CDHR2: variants seen among roughly 807,000 people sequenced by gnomAD.
CDHR2 encodes cadherin related family member 2.
CDHR2 carries 104 observed loss-of-function variants against 138.6 expected under a neutral mutation model. The observed-to-expected ratio is 0.75, with a 90% CI of 0.64 to 0.88. CDHR2 has a LOEUF of 0.88. Ranked by LOEUF, CDHR2 falls within the 40% of genes least tolerant of loss-of-function variation. CDHR2 has a pLI of 0.00. For synonymous variants in CDHR2, 755 were observed against 742.8 expected, an observed-to-expected ratio of 1.02 and a Z score of -0.27; for missense variants, 1,624 against 1,727.6, an observed-to-expected ratio of 0.94 and a Z score of 1.06.
chr5:176,576,116 C>A lies in CDHR2; in HGVS notation c.1125C>A (p.Tyr375Ter). The A allele has an allele frequency of 6.2e-7, 1 of 1,614,064 alleles. No individual in the cohort carries two copies. The highest frequency in any genetic ancestry group is 8.5e-7 in the Non-Finnish European group (1 of 1,180,016). ...AGGCCCAAGTGAACTTCACTGGCTA[C>A]GTGGACGAGCATGCCTCCCCCCGCA... The part of the protein sequence containing the change: ...PEEAQVNFTG[Y>*]VDEHASPRIP... Residue 375 changes from tyrosine (Y) to a stop codon, truncating the protein, a stop_gained, in exon 12 of 32, where the codon TAC becomes TAA. Transcript: ENST00000261944. LOFTEE classifies it high-confidence loss of function. The surrounding 1 kb of genome is among the most constrained non-coding windows in gnomAD (Gnocchi z 4.5).
chr5:176,568,824 A>T lies in CDHR2; in HGVS notation c.264+7A>T. ...CAGCGCTCTGGACTACGAGGTAAAG[A>T]GCATCAGCCGGAGAGGGCACGGGAC... On this transcript the variant is annotated splice_region_variant and intron_variant, in intron 4 of 31. Transcript: ENST00000261944. 6.2e-7 allele frequency: 1 copy of T among 1,614,018 alleles called. No homozygotes were observed. The highest frequency in any genetic ancestry group is 8.5e-7 in the Non-Finnish European group (1 of 1,179,960).
Position 176,595,683 on chromosome 5 carries a change from C to A in CDHR2, c.*11C>A. The stretch of plus-strand genomic sequence containing the variant: ...ACCACGGACCTGTGACAGGGGCCCC[C>A]ACTCTTCTGGACCCCTTGAAGAGGC... On this transcript the variant is annotated 3_prime_UTR_variant, in exon 32 of 32. Coordinates refer to ENST00000261944, the MANE Select transcript of CDHR2 (RefSeq NM_017675.6). The A allele has an allele frequency of 6.3e-7, 1 of 1,575,802 alleles. No homozygotes were observed. Among genetic ancestry groups the A allele is most frequent in the South Asian group, 1.2e-5 (1 of 85,704 alleles).
intron 7 of CDHR2, 84 bp downstream of exon 7, chr5:176,574,256 G>A: frequency 1.9e-6 from 2 of 1,037,224 alleles, no homozygotes; most frequent in Non-Finnish European, 3.0e-6. Flanking sequence ...CTGAACGTTG[G>A]GGTGGGGACA....
intron 14 of CDHR2, 34 bp downstream of exon 14, chr5:176,577,832 C>A: frequency 6.2e-7 from 1 of 1,609,506 alleles, no homozygotes; most frequent in South Asian, 1.1e-5. Context: ...GCTGTGGGGT[C>A]CCAGCAAGCG....
At chr5:176,558,063 G>C (rs115338676) in intron 1 of CDHR2, among the ~76,000 whole-genome samples, 23 of 151,992 alleles carry the variant, frequency 1.5e-4, no homozygotes, top group African/African-American at 5.6e-4. Flanking sequence ...AGCCCATCAC[G>C]CTTCCCCAGC....
rs770402682 is a variant in CDHR2 at position 176,590,131 on chromosome 5, T to C, written c.3260T>C (p.Ile1087Thr). ...GTATACATTGTGGACATTCAGGACA[T>C]AGATTCTGCAGCTCGGTGAGTGCCC... Reference protein sequence around the residue: ...TTVYIVDIQDIDSAARARPHS... With the variant: ...TTVYIVDIQDTDSAARARPHS... The change falls in exon 25 of 32, where the codon ATA becomes ACA. Residue 1087 changes from isoleucine to threonine, a missense_variant. Coordinates refer to ENST00000261944, the MANE Select transcript of CDHR2 (RefSeq NM_017675.6). 3 of 1,613,774 alleles carry C rather than the reference T, an allele frequency of 1.9e-6. No homozygotes were observed. The highest frequency in any genetic ancestry group is 2.5e-6 in the Non-Finnish European group (3 of 1,179,978).
rs552623198 is a variant in CDHR2 at position 176,590,163 on chromosome 5, C to T, written c.3275+17C>T. 41 of 1,610,548 alleles carry T rather than the reference C, an allele frequency of 2.5e-5. No homozygotes were observed. The African/African-American group carries it at 3.7e-4, about 15-fold the overall frequency. ...TGCAGCTCGGTGAGTGCCCAGAGGC[C>T]TGGGGGTGGGGTTGAGGGGGAGAAG... On this transcript the variant is annotated intron_variant, in intron 25 of 31. Coordinates refer to ENST00000261944, the MANE Select transcript of CDHR2 (RefSeq NM_017675.6).
At chr5:176,595,454 C>T in intron 31 of CDHR2, 78 bp from the exon 32 acceptor site, 1 of 1,421,598 alleles carries the variant, frequency 7.0e-7, no homozygotes, top group Non-Finnish European at 9.3e-7. Context: ...GAGCTTGAAG[C>T]CCATCCACTC....
chr5:176,555,024 G>T (rs187991135), intron 1 of CDHR2, among the ~76,000 whole-genome samples: 1 of 152,178 alleles, frequency 6.6e-6, no homozygotes, highest in Non-Finnish European at 1.5e-5. Context: ...CTTCCTCCAC[G>T]AGTCTCTTGC....
chr5:176,565,532 C>T, intron 2 of CDHR2, 128 bp downstream of exon 2: 1 of 1,186,238 alleles, frequency 8.4e-7, no homozygotes. Context: ...CTTGGCTAAG[C>T]TGGGGAGGCC....
At chr5:176,592,182 G>A (rs997726418) in intron 30 of CDHR2, among the ~76,000 whole-genome samples, 1 of 150,830 alleles carries the variant, frequency 6.6e-6, no homozygotes, top group African/African-American at 2.4e-5. Flanking sequence ...TGGTGTTGGT[G>A]TTGAGGTGAT....
At chr5:176,548,859 G>T (rs547017124), upstream of CDHR2, among the ~76,000 whole-genome samples, 5 of 152,122 alleles carry the variant, frequency 3.3e-5, no homozygotes, top group Admixed American at 2.6e-4. Flanking sequence ...CAACAGGCTC[G>T]AAAGTGGGTT....
chr5:176,570,465 C>T (rs1758198660), intron 5 of CDHR2, among the ~76,000 whole-genome samples: 1 of 152,214 alleles, frequency 6.6e-6, no homozygotes, highest in Non-Finnish European at 1.5e-5. Flanking sequence ...CTTAACTCAG[C>T]CTCCAGCGTA....
intron 18 of CDHR2, 62 bp from the exon 19 acceptor site, chr5:176,584,348 G>T: frequency 6.2e-7 from 1 of 1,612,300 alleles, no homozygotes; most frequent in South Asian, 1.1e-5. Context: ...GAGAGGCAAG[G>T]GCAGAGGAGG....
At position 176,584,481 on chromosome 5, in the gene CDHR2, C is replaced by T. The variant is rs1471668682; in HGVS notation, c.2200C>T (p.Leu734=). ...TEANNRISFS[L]SGSGANYFMI... ...AGCCAACAACCGCATCAGCTTCAGC[C>T]TGTCGGGGAGTGGTGCCAACTACTT... The change falls in exon 19 of 32, where the codon CTG becomes TTG. Residue 734 remains leucine (L), a synonymous_variant. Transcript: ENST00000261944. 6.2e-7 allele frequency: 1 copy of T among 1,612,380 alleles called. No individual in the cohort carries two copies. The highest frequency in any genetic ancestry group is 1.1e-5 in the South Asian group (1 of 90,782).
intron 1 of CDHR2, among the ~76,000 whole-genome samples, chr5:176,552,676 A>G (rs1442209611): frequency 6.6e-6 from 1 of 152,238 alleles, no homozygotes; most frequent in Non-Finnish European, 1.5e-5. Context: ...TCTGGACTGT[A>G]GAACGCCAGC....
intron 16 of CDHR2, among the ~76,000 whole-genome samples, chr5:176,580,454 AGGAATT>A (rs1398205743): frequency 2.0e-5 from 3 of 148,522 alleles, no homozygotes; most frequent in Non-Finnish European, 3.0e-5. Context: ...ACTTGAATCC[AGGAATT>A]GGAAGCTGCA....
chr5:176,576,203 G>A lies in CDHR2; in HGVS notation c.1194+18G>A, dbSNP rs538798735. 1.3e-6 allele frequency: 2 copies of A among 1,589,792 alleles called. No individual in the cohort carries two copies. The highest frequency in any genetic ancestry group is 1.3e-5 in the African/African-American group (1 of 74,752). ...CGGACAAGGCAGGCGTGGTGGCGTGGGTGTGGGCGGGGGTGGCTGGGGGAG... is the reference window on the plus strand; with the variant it reads ...CGGACAAGGCAGGCGTGGTGGCGTGAGTGTGGGCGGGGGTGGCTGGGGGAG... On this transcript the variant is annotated intron_variant, in intron 12 of 31. Transcript: ENST00000261944. This position sits in a 1 kb window ranked among gnomAD's most constrained non-coding sequence, Gnocchi z 4.5.
At chr5:176,580,063 C>G (rs545810590) in intron 16 of CDHR2, among the ~76,000 whole-genome samples, 1 of 152,166 alleles carries the variant, frequency 6.6e-6, no homozygotes, top group South Asian at 2.1e-4. Context: ...CTGGTTCACC[C>G]CAAAGACAAA....
Sources: gnomAD v4.1 joint callset for allele counts (sites outside exome capture counted in the v4.1 genomes callset) on GRCh38, gnomAD v4.1.1 for gene constraint, Gnocchi (gnomAD v3.1) non-coding constraint, MANE v1.5 for transcripts, NCBI Gene and HGNC (gene_info 2026-07-23, HGNC 2026-07-21) for gene names.